The following GXYLT2 variants were observed in gnomAD, a reference collection of about 807,000 sequenced individuals.
GXYLT2 encodes the protein glycosyltransferase 8 domain containing 4.
GXYLT2 carries 53 observed loss-of-function variants against 45.8 expected under a neutral mutation model. The ratio of observed to expected loss-of-function variants is 1.16; its 90% CI spans 0.93 to 1.46. GXYLT2 has a LOEUF of 1.46. Ranked by LOEUF, GXYLT2 falls within the 40% of genes most tolerant of loss-of-function variation. The pLI, the probability that GXYLT2 is intolerant of heterozygous loss-of-function variation, is 0.00. For missense variants in GXYLT2, 551 were observed against 544.4 expected, an observed-to-expected ratio of 1.01 and a Z score of -0.12; for synonymous variants, 219 against 214.2, an observed-to-expected ratio of 1.02 and a Z score of -0.19.
At chr3:72,893,864 A>G (rs1352792451) in intron 1 of GXYLT2, among the ~76,000 whole-genome samples, 1 of 150,296 alleles carries the variant, frequency 6.7e-6, no homozygotes, top group Non-Finnish European at 1.5e-5. Context: ...TTTTTTTGAG[A>G]TAGTGTCTCA....
At chr3:72,907,827 ATGT>A (rs1330074743) in intron 1 of GXYLT2, among the ~76,000 whole-genome samples, 1 of 152,040 alleles carries the variant, frequency 6.6e-6, no homozygotes, top group East Asian at 1.9e-4. Context: ...CAGGGCGCAT[ATGT>A]TGTTTTCTTT....
chr3:72,899,388 T>A (rs1709358141), intron 1 of GXYLT2, among the ~76,000 whole-genome samples: 1 of 152,252 alleles, frequency 6.6e-6, no homozygotes, highest in African/African-American at 2.4e-5. Flanking sequence ...TGGCACTCTC[T>A]TGGCATTATT....
intron 3 of GXYLT2, among the ~76,000 whole-genome samples, chr3:72,948,833 C>A (rs1261918142): frequency 8.5e-6 from 1 of 117,772 alleles, no homozygotes; most frequent in African/African-American, 3.4e-5. Flanking sequence ...AAGATTCTGT[C>A]TCAAAAAAAA....
At chr3:72,924,002 A>G (rs1709876476) in intron 3 of GXYLT2, among the ~76,000 whole-genome samples, 1 of 152,078 alleles carries the variant, frequency 6.6e-6, no homozygotes, top group African/African-American at 2.4e-5. Flanking sequence ...CTTGGGGGTA[A>G]TGAGAGAAAA....
chr3:72,901,331 G>A (rs1455936283), intron 1 of GXYLT2, among the ~76,000 whole-genome samples: 1 of 149,440 alleles, frequency 6.7e-6, no homozygotes, highest in Non-Finnish European at 1.5e-5. Context: ...TGTGGCACAT[G>A]CCTGTAATCT....
rs774031265 is a variant in GXYLT2 at position 72,955,184 on chromosome 3, G to A, written c.687G>A (p.Leu229=). ...LRPVDDIWKL[L]RLFNSTQLAA... is the part of the protein sequence containing the mutation. ...CTGTTGATGACATCTGGAAGCTTCT[G>A]AGGCTGTTTAATTCCACCCAGCTTG... is the stretch of plus-strand genomic sequence containing the variant. The change falls in exon 4 of 7, where the codon CTG becomes CTA. Residue 229 remains leucine (L), a synonymous_variant. Transcript: ENST00000389617. The A allele has an allele frequency of 1.2e-6, 2 of 1,613,896 alleles. No individual in the cohort carries two copies. Among genetic ancestry groups the A allele is most frequent in the African/African-American group, 1.3e-5 (1 of 74,934 alleles).
chr3:72,952,806 A>G (rs1046207178), intron 3 of GXYLT2, among the ~76,000 whole-genome samples: 2 of 152,058 alleles, frequency 1.3e-5, no homozygotes, highest in African/African-American at 4.8e-5. Context: ...GCTAAACCCA[A>G]TTATCTCCCA....
At chr3:72,952,883 G>A (rs1175425092) in intron 3 of GXYLT2, among the ~76,000 whole-genome samples, 1 of 152,126 alleles carries the variant, frequency 6.6e-6, no homozygotes, top group Non-Finnish European at 1.5e-5. Flanking sequence ...TGGGGACACA[G>A]ACATTCAGTC....
chr3:72,913,485 C>T (rs957100274), intron 2 of GXYLT2, among the ~76,000 whole-genome samples: 7 of 151,576 alleles, frequency 4.6e-5, no homozygotes, highest in African/African-American at 9.7e-5. Context: ...ACCTGAGGTC[C>T]GGAGTTCGAG....
At chr3:72,896,242 C>T (rs778835706) in intron 1 of GXYLT2, among the ~76,000 whole-genome samples, 1 of 152,196 alleles carries the variant, frequency 6.6e-6, no homozygotes, top group Non-Finnish European at 1.5e-5. Flanking sequence ...CCGAACATGC[C>T]ACACCAGAAA....
chr3:72,931,240 T>C (rs1710028187), intron 3 of GXYLT2, among the ~76,000 whole-genome samples: 1 of 152,014 alleles, frequency 6.6e-6, no homozygotes, highest in Non-Finnish European at 1.5e-5. Flanking sequence ...TTTTCTATTT[T>C]TTTTTTGAGA....
At chr3:72,903,735 G>A (rs1325445862) in intron 1 of GXYLT2, among the ~76,000 whole-genome samples, 1 of 152,164 alleles carries the variant, frequency 6.6e-6, no homozygotes, top group Non-Finnish European at 1.5e-5. Context: ...AACAAGGAGG[G>A]AATGGGTTCA....
chr3:72,917,763 A>C (rs1709766972), intron 2 of GXYLT2, among the ~76,000 whole-genome samples: 1 of 151,960 alleles, frequency 6.6e-6, no homozygotes, highest in Non-Finnish European at 1.5e-5. Context: ...ATCTCAAAAA[A>C]AAAAAAAAAA....
intron 1 of GXYLT2, among the ~76,000 whole-genome samples, chr3:72,894,006 T>C (rs1363195448): frequency 6.6e-6 from 1 of 152,200 alleles, no homozygotes; most frequent in African/African-American, 2.4e-5. Context: ...TCCACAGGTA[T>C]GTCATATGAC....
At chr3:72,895,019 G>T (rs1371164740) in intron 1 of GXYLT2, among the ~76,000 whole-genome samples, 1 of 152,186 alleles carries the variant, frequency 6.6e-6, no homozygotes, top group African/African-American at 2.4e-5. Context: ...TGAACCTGGT[G>T]CTTTCCCCAT....
chr3:72,910,661 T>C (rs1002456765), intron 2 of GXYLT2, among the ~76,000 whole-genome samples: 1 of 152,232 alleles, frequency 6.6e-6, no homozygotes. Context: ...ATTCATGTGT[T>C]AGCTACACTT....
chr3:72,895,200 G>C (rs1394169719), intron 1 of GXYLT2, among the ~76,000 whole-genome samples: 1 of 152,196 alleles, frequency 6.6e-6, no homozygotes, highest in Non-Finnish European at 1.5e-5. Context: ...ATGATATGGA[G>C]AGATGAGAAG....
intron 3 of GXYLT2, among the ~76,000 whole-genome samples, chr3:72,950,941 G>A (rs1296192623): frequency 1.3e-5 from 2 of 152,164 alleles, no homozygotes; most frequent in Non-Finnish European, 2.9e-5. Context: ...TTACATTATA[G>A]CCAGCAGCAT....
chr3:72,928,988 C>G, intron 3 of GXYLT2: 2 of 1,085,558 alleles, frequency 1.8e-6, no homozygotes, highest in Admixed American at 3.8e-5. Context: ...CGCCCCAAGG[C>G]CCGCCGCCGC....
Sources: allele counts gnomAD v4.1 joint callset (sites outside exome capture counted in the v4.1 genomes callset), GRCh38; gene constraint gnomAD v4.1.1; transcripts MANE v1.5; gene names NCBI Gene and HGNC (gene_info 2026-07-23, HGNC 2026-07-21).